Variants in CDYL2 observed in about 807,000 individuals in gnomAD.
CDYL2 encodes chromodomain Y like 2, also known as chromodomain Y-like protein 2.
In CDYL2, 23 loss-of-function variants were observed where a neutral mutation model predicts 49.4. That is an observed-to-expected ratio of 0.47 (90% CI 0.34 to 0.66). CDYL2 has a LOEUF of 0.66. Ranked by LOEUF, CDYL2 falls within the 30% of genes least tolerant of loss-of-function variation. The pLI is 0.01. For synonymous variants in CDYL2, 360 were observed against 268.8 expected (o/e 1.34, Z -3.32); for missense variants, 678 against 656.4 (o/e 1.03, Z -0.36).
chr16:80,667,532 C>T (rs1203073604), intron 2 of CDYL2, among the ~76,000 whole-genome samples: 2 of 152,172 alleles, frequency 1.3e-5, no homozygotes, highest in Admixed American at 1.3e-4. Flanking sequence ...TTACCTATGG[C>T]CCCACAATAT....
intron 2 of CDYL2, among the ~76,000 whole-genome samples, chr16:80,649,558 C>A (rs1421305105): frequency 6.6e-6 from 1 of 152,140 alleles, no homozygotes; most frequent in Non-Finnish European, 1.5e-5. Context: ...AAGTAATCTA[C>A]AGATTCAATG....
intron 2 of CDYL2, among the ~76,000 whole-genome samples, chr16:80,659,829 T>G (rs1908969119): frequency 2.0e-5 from 3 of 152,086 alleles, no homozygotes; most frequent in Admixed American, 2.0e-4. Context: ...ATAGCTGAAC[T>G]TTTTGTAGAA....
At chr16:80,745,059 TC>T (rs1287305989) in intron 1 of CDYL2, among the ~76,000 whole-genome samples, 1 of 152,098 alleles carries the variant, frequency 6.6e-6, no homozygotes, top group Non-Finnish European at 1.5e-5. Context: ...CTAGAGGCCC[TC>T]CATCGAGGAA....
intron 1 of CDYL2, among the ~76,000 whole-genome samples, chr16:80,734,789 C>G (rs1905458214): frequency 6.6e-6 from 1 of 152,138 alleles, no homozygotes. Context: ...CACATTCCCT[C>G]TAGAACTGGT....
At chr16:80,764,955 G>C (rs1199035938) in intron 1 of CDYL2, among the ~76,000 whole-genome samples, 1 of 150,546 alleles carries the variant, frequency 6.6e-6, no homozygotes, top group Non-Finnish European at 1.5e-5. Flanking sequence ...AGCTACTCAG[G>C]AGGCTGAGGC....
At chr16:80,789,929 G>T (rs1907556238) in intron 1 of CDYL2, among the ~76,000 whole-genome samples, 1 of 152,062 alleles carries the variant, frequency 6.6e-6, no homozygotes, top group African/African-American at 2.4e-5. Flanking sequence ...AGATGTGAGG[G>T]GGATGAGGGT....
At position 80,633,189 on chromosome 16, in the gene CDYL2, T is replaced by C; in HGVS notation, c.664A>G (p.Arg222Gly). Residue 222 changes from arginine (R) to glycine (G), a missense_variant, in exon 3 of 7, where the codon AGG (arginine) becomes GGG (glycine). Transcript: ENST00000570137. The stretch of plus-strand genomic sequence containing the variant: ...TAGTCCTTCTCCGCTTCCAGCTTCC[T>C]CTTCACTGGACTGTGCAGGTTCAAT... ...GGLNLHSPVKRKLEAEKDYVF... is the reference protein window; with the variant it reads ...GGLNLHSPVKGKLEAEKDYVF... The C allele has an allele frequency of 6.2e-7, 1 of 1,614,226 alleles. No homozygotes were observed. The highest frequency in any genetic ancestry group is 8.5e-7 in the Non-Finnish European group (1 of 1,180,032).
intron 5 of CDYL2, among the ~76,000 whole-genome samples, chr16:80,611,586 C>T (rs1224995399): frequency 6.6e-6 from 1 of 152,198 alleles, no homozygotes; most frequent in East Asian, 1.9e-4. Flanking sequence ...AGATGTGGGA[C>T]CTATTTAATA....
At chr16:80,687,155 C>G (rs565482409) in intron 1 of CDYL2, among the ~76,000 whole-genome samples, 5 of 152,196 alleles carry the variant, frequency 3.3e-5, no homozygotes, top group African/African-American at 4.8e-5. Flanking sequence ...AGTAAGCAAT[C>G]TGACATTGCC....
rs1906058014 is a variant in CDYL2 at position 80,600,993 on chromosome 16, T to C, written c.*3395A>G. Reference sequence around the variant, plus strand: ...AGAGAGAACATTTCCTAGTTTAATCTATACCAAACAAGAATGATATTTTAA... The same window carrying C: ...AGAGAGAACATTTCCTAGTTTAATCCATACCAAACAAGAATGATATTTTAA... On this transcript the variant is annotated 3_prime_UTR_variant, in exon 7 of 7. Coordinates refer to ENST00000570137, the MANE Select transcript of CDYL2 (RefSeq NM_152342.4). The C allele has an allele frequency of 6.6e-6, 1 of 152,240 alleles. No homozygotes were observed. The highest frequency in any genetic ancestry group is 2.4e-5 in the African/African-American group (1 of 41,454). 9.4% of individuals were successfully genotyped at this position (152,240 alleles called of 1,614,324 possible).
chr16:80,625,574 C>A lies in CDYL2; in HGVS notation c.835-4639G>T, dbSNP rs907516094. Among the ~76,000 whole-genome samples the A allele has an allele frequency of 2.6e-5, 4 of 152,144 alleles. No individual in the cohort carries two copies. In the South Asian group the frequency reaches 8.3e-4, roughly 32 times the overall value. On this transcript the variant is annotated intron_variant, in intron 3 of 6. Coordinates refer to ENST00000570137, the MANE Select transcript of CDYL2 (RefSeq NM_152342.4). ...ATCTTGGGGAGAGGGCTTCTATCTA[C>A]CACAGACTTGAATACTAAAATTTAA...
chr16:80,648,080 A>T lies in CDYL2; in HGVS notation c.617-14844T>A, dbSNP rs574690698. On this transcript the variant is annotated intron_variant, in intron 2 of 6. Coordinates refer to ENST00000570137, the MANE Select transcript of CDYL2 (RefSeq NM_152342.4). ...AAAGAAGAAAAACTTCAAATAAACAACCTAACAATGCATCTTAAAGAACAA... is the reference window on the plus strand; with the variant it reads ...AAAGAAGAAAAACTTCAAATAAACATCCTAACAATGCATCTTAAAGAACAA... 5.0e-3 allele frequency among the ~76,000 whole-genome samples: 760 copies of T among 152,216 alleles called. 2 individuals are homozygous for T. The highest frequency in any genetic ancestry group is 8.7e-3 in the Non-Finnish European group (593 of 67,970).
chr16:80,756,600 T>C (rs900415671), intron 1 of CDYL2, among the ~76,000 whole-genome samples: 1 of 152,086 alleles, frequency 6.6e-6, no homozygotes, highest in African/African-American at 2.4e-5. Flanking sequence ...CTCTGAAGCA[T>C]TATAAAATGT....
chr16:80,794,178 G>A (rs1047162592), intron 1 of CDYL2, among the ~76,000 whole-genome samples: 6 of 152,198 alleles, frequency 3.9e-5, no homozygotes, highest in South Asian at 2.1e-4. Context: ...TCAATAAACC[G>A]CAACACTACC....
rs1905932538 is a variant in CDYL2 at position 80,598,427 on chromosome 16, G to A, written c.*5961C>T. 6.6e-6 allele frequency: 1 copy of A among 151,930 alleles called. No homozygotes were observed. Among genetic ancestry groups the A allele is most frequent in the Non-Finnish European group, 1.5e-5 (1 of 68,004 alleles). The allele number at this position is 151,930 out of a possible 1,614,324, so 9.4% of individuals were successfully genotyped here. ...ATCAATCATTTCTCAACTGGTCAAT[G>A]GATCAATGATTCCATCATGAATGAG... On this transcript the variant is annotated 3_prime_UTR_variant, in exon 7 of 7. Coordinates refer to ENST00000570137, the MANE Select transcript of CDYL2 (RefSeq NM_152342.4).
At chr16:80,801,639 T>G (rs1361521092) in intron 1 of CDYL2, among the ~76,000 whole-genome samples, 1 of 152,244 alleles carries the variant, frequency 6.6e-6, no homozygotes, top group Non-Finnish European at 1.5e-5. Flanking sequence ...AGTATAATAT[T>G]TAATGAAAGT....
At chr16:80,717,623 C>A (rs906732640) in intron 1 of CDYL2, among the ~76,000 whole-genome samples, 9 of 152,334 alleles carry the variant, frequency 5.9e-5, no homozygotes, top group African/African-American at 2.2e-4. Flanking sequence ...TCTCCAGTCT[C>A]CTCCACGATC....
rs930582193 is a variant in CDYL2 at position 80,804,386 on chromosome 16, C to A, written c.-213G>T. On this transcript the variant is annotated 5_prime_UTR_variant, in exon 1 of 7. Coordinates refer to ENST00000570137, the MANE Select transcript of CDYL2 (RefSeq NM_152342.4). ...CGGGCGGCGGCGGGGCTGGCGTAAC[C>A]GGCAGCAGCGGCGGCGGCGGCGGCG... 12 of 188,172 alleles carry A rather than the reference C, an allele frequency of 6.4e-5. No individual in the cohort carries two copies. The highest frequency in any genetic ancestry group is 1.1e-4 in the Non-Finnish European group (11 of 99,542). The allele number at this position is 188,172 out of a possible 1,614,324, so 11.7% of individuals were successfully genotyped here. A position where few individuals can be genotyped will look rare whatever the true frequency, so the allele number is the denominator to read the frequency against.
intron 4 of CDYL2, among the ~76,000 whole-genome samples, chr16:80,618,683 A>G (rs1196842696): frequency 1.3e-5 from 2 of 152,168 alleles, no homozygotes; most frequent in African/African-American, 4.8e-5. Flanking sequence ...GGCTGGGACA[A>G]GCCTCATCAC....
Sources: allele counts gnomAD v4.1 joint callset (sites outside exome capture counted in the v4.1 genomes callset), GRCh38; gene constraint gnomAD v4.1.1; transcripts MANE v1.5; gene names NCBI Gene and HGNC (gene_info 2026-07-23, HGNC 2026-07-21).